The following GMDS variants were observed in gnomAD, a reference collection of about 807,000 sequenced individuals.
GMDS encodes the protein GDP-mannose 4,6-dehydratase.
Under a neutral mutation model 49.9 loss-of-function variants are expected in GMDS, and 20 were observed. The ratio of observed to expected loss-of-function variants is 0.40; its 90% CI spans 0.28 to 0.58. The LOEUF is 0.58. GMDS is among the 20% of genes least tolerant of loss of function. GMDS has a pLI of 0.42. For synonymous variants in GMDS, 177 were observed against 178.6 expected (o/e 0.99, Z 0.07); for missense variants, 362 against 481.4 (o/e 0.75, Z 2.32).
chr6:1,641,390 G>A (rs1393643269), intron 9 of GMDS, among the ~76,000 whole-genome samples: 2 of 152,244 alleles, frequency 1.3e-5, no homozygotes, highest in Non-Finnish European at 2.9e-5. Flanking sequence ...GAGCAGCACA[G>A]CCTGCGTCTC....
rs188125237 is a variant in GMDS, at chr6:2,173,019, G to A, written c.103-48288C>T. Among the ~76,000 whole-genome samples the A allele has an allele frequency of 2.3e-4, 35 of 152,174 alleles. No individual in the cohort carries two copies. The East Asian group carries it at 4.8e-3, about 21-fold the overall frequency. On this transcript the variant is annotated intron_variant, in intron 1 of 10. Coordinates refer to ENST00000380815, the MANE Select transcript of GMDS (RefSeq NM_001500.4). ...ACAAACATAAACTGTACACAATGCCGTGTTCTCAGTTTCCAAAGAAATAAA... is the reference window on the plus strand; with the variant it reads ...ACAAACATAAACTGTACACAATGCCATGTTCTCAGTTTCCAAAGAAATAAA...
intron 9 of GMDS, among the ~76,000 whole-genome samples, chr6:1,700,256 T>C (rs1765497499): frequency 6.6e-6 from 1 of 152,256 alleles, no homozygotes; most frequent in Non-Finnish European, 1.5e-5. Context: ...CTCACCTTTA[T>C]TCTCAATTAC....
chr6:2,115,382 A>C (rs527684282), intron 4 of GMDS, among the ~76,000 whole-genome samples: 1 of 152,246 alleles, frequency 6.6e-6, no homozygotes, highest in East Asian at 1.9e-4. Context: ...CCAGTAATTT[A>C]GCCGCTACCA....
intron 2 of GMDS, among the ~76,000 whole-genome samples, chr6:2,122,400 T>C (rs1317006781): frequency 1.3e-5 from 2 of 152,182 alleles, no homozygotes; most frequent in Non-Finnish European, 1.5e-5. Flanking sequence ...AAATTGCTGA[T>C]GTTGACCACC....
At chr6:1,738,301 AT>A (rs1214772702) in intron 8 of GMDS, among the ~76,000 whole-genome samples, 1 of 152,246 alleles carries the variant, frequency 6.6e-6, no homozygotes, top group Admixed American at 6.5e-5. Flanking sequence ...GTTACCTTAC[AT>A]TTTATCAGGA....
intron 9 of GMDS, among the ~76,000 whole-genome samples, chr6:1,681,685 C>T (rs1442799971): frequency 3.3e-5 from 5 of 152,162 alleles, no homozygotes; most frequent in Non-Finnish European, 5.9e-5. Flanking sequence ...AAGAGAATGC[C>T]GTGAATCTGA....
At chr6:2,173,917 A>T (rs1246940939) in intron 1 of GMDS, among the ~76,000 whole-genome samples, 2 of 152,234 alleles carry the variant, frequency 1.3e-5, no homozygotes, top group Admixed American at 1.3e-4. Flanking sequence ...GCAGGTTAGC[A>T]TCGCCAATTT....
At chr6:2,128,176 C>CTTTT (rs142248059) in intron 1 of GMDS, among the ~76,000 whole-genome samples, 1 of 139,776 alleles carries the variant, frequency 7.2e-6, no homozygotes, top group Admixed American at 7.1e-5. Flanking sequence ...AAATATTTTC[C>CTTTT]TTTTTTTTTT....
In GMDS at chr6:2,051,224, C is replaced by T. The variant is rs773855352; in HGVS notation, c.345+64547G>A. Among the ~76,000 whole-genome samples, 222 of 152,312 alleles carry T rather than the reference C, an allele frequency of 1.5e-3. 1 individual carries two copies. Among genetic ancestry groups the T allele is most frequent in the Non-Finnish European group, 2.8e-3 (191 of 68,024 alleles). On this transcript the variant is annotated intron_variant, in intron 4 of 10. Coordinates refer to ENST00000380815, the MANE Select transcript of GMDS (RefSeq NM_001500.4). ...TTCTCCCCTGGAGCCTCTAGAAGGA[C>T]ACCGCCTGCCAGTGTCACCTATGTT...
Position 1,873,615 on chromosome 6 carries a change from A to T in GMDS, c.771+56488T>A, listed in dbSNP as rs533626289. Among the ~76,000 whole-genome samples, 10 of 152,360 alleles carry T rather than the reference A, an allele frequency of 6.6e-5. No individual in the cohort carries two copies. The South Asian group carries it at 2.1e-3, about 32-fold the overall frequency. ...AAGAAACTAGCACTAAGACTGAAGG[A>T]CTGAAAAAGACAGGAAAATGAAGAT... On this transcript the variant is annotated intron_variant, in intron 7 of 10. Transcript: ENST00000380815.
intron 7 of GMDS, among the ~76,000 whole-genome samples, chr6:1,887,474 G>T (rs1759664427): frequency 6.6e-6 from 1 of 152,130 alleles, no homozygotes; most frequent in Admixed American, 6.5e-5. Context: ...CAGGAAGAAA[G>T]AGCTATGAAG....
intron 9 of GMDS, among the ~76,000 whole-genome samples, chr6:1,658,457 G>A (rs1763961133): frequency 6.6e-6 from 1 of 152,260 alleles, no homozygotes; most frequent in South Asian, 2.1e-4. Flanking sequence ...CTGTGTCCAG[G>A]TGAGAGTGCA....
chr6:1,929,399 C>T (rs1762179189), intron 7 of GMDS, among the ~76,000 whole-genome samples: 1 of 152,118 alleles, frequency 6.6e-6, no homozygotes, highest in Non-Finnish European at 1.5e-5. Flanking sequence ...GCAGGGAGAT[C>T]AGGGCAAAGT....
intron 4 of GMDS, among the ~76,000 whole-genome samples, chr6:2,054,179 G>T (rs754490306): frequency 2.0e-5 from 3 of 152,226 alleles, no homozygotes; most frequent in South Asian, 2.1e-4. Context: ...AACCTTTATA[G>T]ATGTCTTCTT....
intron 7 of GMDS, among the ~76,000 whole-genome samples, chr6:1,866,240 A>G (rs909815611): frequency 6.6e-6 from 1 of 152,228 alleles, no homozygotes; most frequent in Non-Finnish European, 1.5e-5. Context: ...CTTATTCCAG[A>G]CCAGATAAAT....
intron 4 of GMDS, among the ~76,000 whole-genome samples, chr6:2,081,523 T>A (rs551149352): frequency 1.3e-5 from 2 of 152,250 alleles, no homozygotes; most frequent in African/African-American, 4.8e-5. Flanking sequence ...CACCTCATCA[T>A]TTGAACTTAC....
At chr6:1,894,611 T>C (rs750361281) in intron 7 of GMDS, among the ~76,000 whole-genome samples, 2 of 152,232 alleles carry the variant, frequency 1.3e-5, no homozygotes, top group African/African-American at 4.8e-5. Flanking sequence ...GAGAGTGAGA[T>C]GTTATACCTA....
chr6:1,737,555 T>TAC (rs368440878), intron 8 of GMDS, among the ~76,000 whole-genome samples: 11 of 126,270 alleles, frequency 8.7e-5, no homozygotes, highest in African/African-American at 3.3e-4. Flanking sequence ...CACACACAGA[T>TAC]ACACACACAC....
chr6:2,151,147 T>C (rs1455354820), intron 1 of GMDS, among the ~76,000 whole-genome samples: 1 of 152,088 alleles, frequency 6.6e-6, no homozygotes, highest in Non-Finnish European at 1.5e-5. Context: ...AATAATATAA[T>C]TATACATTTT....
Sources: gnomAD v4.1 joint callset for allele counts (sites outside exome capture counted in the v4.1 genomes callset) on GRCh38, gnomAD v4.1.1 for gene constraint, MANE v1.5 for transcripts, NCBI Gene and HGNC (gene_info 2026-07-23, HGNC 2026-07-21) for gene names.